VILL: variants seen among roughly 807,000 people sequenced by gnomAD.
VILL encodes villin-like protein.
A neutral mutation model predicts 106.3 loss-of-function variants in VILL; 102 were observed. The ratio of observed to expected loss-of-function variants is 0.96; its 90% CI spans 0.82 to 1.13. VILL has a LOEUF of 1.13. VILL is among the 50% of genes most tolerant of loss of function. The probability of loss-of-function intolerance (pLI) is 0.00; values close to 1 mark genes in which losing one functional copy is unlikely to be tolerated. For missense variants in VILL, 1,076 were observed against 1,116.6 expected (o/e 0.96, Z 0.52); for synonymous variants, 431 against 440.3 (o/e 0.98, Z 0.27).
At chr3:37,995,878 T>C in intron 5 of VILL, 31 bp downstream of exon 5, 1 of 1,589,850 alleles carries the variant, frequency 6.3e-7, no homozygotes, top group Admixed American at 1.7e-5. Flanking sequence ...TCTTGACCTC[T>C]GAACTCGGCT....
At position 37,995,861 on chromosome 3, in the gene VILL, G is replaced by A; in HGVS notation, c.450+14G>A. 1.2e-6 allele frequency: 2 copies of A among 1,610,856 alleles called. No individual in the cohort carries two copies. The highest frequency in any genetic ancestry group is 1.1e-5 in the South Asian group (1 of 90,942). ...TCTGCCACTGAGGTGAGGCTGCCAG[G>A]GGAGCCTCTTGACCTCTGAACTCGG... On this transcript the variant is annotated intron_variant, in intron 5 of 19. Transcript: ENST00000383759.
intron 11 of VILL, chr3:38,001,203 G>A (rs1575337981): frequency 1.7e-6 from 1 of 587,712 alleles, no homozygotes; most frequent in Non-Finnish European, 3.0e-6. Flanking sequence ...CTAGGGCTGG[G>A]CATGTGGCTG....
chr3:37,990,017 G>C (rs1048575843), upstream of VILL, among the ~76,000 whole-genome samples: 1 of 152,214 alleles, frequency 6.6e-6, no homozygotes, highest in Admixed American at 6.5e-5. This position sits in a 1 kb window ranked among gnomAD's most constrained non-coding sequence, Gnocchi z 5.1. Context: ...GCAGGCTTTA[G>C]CAGCGTGGCT....
At position 38,006,261 on chromosome 3, in the gene VILL, TG is replaced by T; in HGVS notation, c.2205+13del. 1 of 1,614,122 alleles carries T rather than the reference TG, an allele frequency of 6.2e-7. No homozygotes were observed. Among genetic ancestry groups the T allele is most frequent in the Non-Finnish European group, 8.5e-7 (1 of 1,180,024 alleles). ...TCTCTGAGATAACAGCAGTGAGTCC[TG>T]GGGCCCCTAGCCTTCCCCACAGTGG... is the stretch of plus-strand genomic sequence containing the variant. On this transcript the variant is annotated intron_variant, in intron 18 of 19. Transcript: ENST00000383759.
Position 38,001,751 on chromosome 3 carries a change from A to T in VILL, c.1370A>T (p.Glu457Val). The T allele has an allele frequency of 6.2e-7, 1 of 1,614,238 alleles. No homozygotes were observed. The highest frequency in any genetic ancestry group is 8.5e-7 in the Non-Finnish European group (1 of 1,180,036). Residue 457 changes from glutamate (E) to valine (V), a missense_variant, in exon 13 of 20, where the codon GAG becomes GTG. By Grantham distance (121) the Glu-to-Val change is moderately radical (BLOSUM62 -2). Coordinates refer to ENST00000383759, the MANE Select transcript of VILL (RefSeq NM_015873.4). ...ATTGAGGCCCTGAACAGCAACGCTG[A>T]GGAACTAGATGTCATGTATGGTGGC... ...DEIEALNSNA[E>V]ELDVMYGGVL...
At chr3:38,001,233 A>C in intron 11 of VILL, 1 of 649,628 alleles carries the variant, frequency 1.5e-6, no homozygotes, top group Non-Finnish European at 2.6e-6. Flanking sequence ...CCATCTCCCA[A>C]GTGTGGTGGG....
chr3:38,004,127 G>A, intron 15 of VILL, 128 bp from the exon 16 acceptor site: 2 of 1,305,962 alleles, frequency 1.5e-6, no homozygotes, highest in Non-Finnish European at 2.1e-6. Flanking sequence ...GAAACCACGG[G>A]GCTCAGAGGA....
chr3:38,002,610 G>A (rs1024121719), intron 14 of VILL, 35 bp downstream of exon 14: 2 of 1,594,674 alleles, frequency 1.3e-6, no homozygotes, highest in Non-Finnish European at 1.7e-6. Flanking sequence ...TTCATGCCCA[G>A]ATGTAGTGGT....
chr3:37,999,254 G>C (rs559921239), intron 10 of VILL, 85 bp from the exon 11 acceptor site: 1 of 1,254,322 alleles, frequency 8.0e-7, no homozygotes, highest in Middle Eastern at 2.6e-4. Context: ...TGGAATCTTG[G>C]AGGGATGGTT....
Position 38,005,826 on chromosome 3 carries a change from G to A in VILL, c.1985G>A (p.Trp662Ter). Residue 662 changes from tryptophan (W) to a stop codon, truncating the protein, a stop_gained, in exon 17 of 20, where the codon TGG becomes TAG. Coordinates refer to ENST00000383759, the MANE Select transcript of VILL (RefSeq NM_015873.4). LOFTEE classifies it high-confidence loss of function. ...TGGCTTGGGGAAGCTGCAAGTGAGT[G>A]GAAGGAGGCGGTGGCCTGGGGCCAG... ...FLWLGEAASE[W>*]KEAVAWGQEY... The A allele has an allele frequency of 1.2e-6, 2 of 1,613,400 alleles. No homozygotes were observed. The highest frequency in any genetic ancestry group is 1.1e-5 in the South Asian group (1 of 91,008).
At chr3:37,993,782 G>GT in intron 2 of VILL, 50 bp downstream of exon 2, 3 of 1,606,854 alleles carry the variant, frequency 1.9e-6, no homozygotes, top group Non-Finnish European at 2.6e-6. Flanking sequence ...AGAGCGTGGG[G>GT]TTTTCCACAC....
Position 38,007,039 on chromosome 3 carries a change from A to C in VILL, c.2555A>C (p.Gln852Pro). The change falls in exon 20 of 20, where the codon CAG (glutamine) becomes CCG (proline). Residue 852 changes from glutamine (Q) to proline (P), a missense_variant. Transcript: ENST00000383759. ...ATWRQRQEKK[Q>P]LGFF Reference sequence around the variant, plus strand: ...TGGAGGCAGCGGCAGGAGAAAAAGCAGCTGGGCTTCTTCTGAACCCAAGCC... The same window carrying C: ...TGGAGGCAGCGGCAGGAGAAAAAGCCGCTGGGCTTCTTCTGAACCCAAGCC... 6 of 1,614,098 alleles carry C rather than the reference A, an allele frequency of 3.7e-6. No homozygotes were observed. The highest frequency in any genetic ancestry group is 5.1e-6 in the Non-Finnish European group (6 of 1,179,974).
At chr3:38,006,002 T>G (rs200909450) in intron 17 of VILL, 28 bp downstream of exon 17, 1 of 1,597,540 alleles carries the variant, frequency 6.3e-7, no homozygotes, top group East Asian at 2.2e-5. Context: ...CCCCCAGCCC[T>G]ACCCTAATTT....
At position 38,003,216 on chromosome 3, in the gene VILL, A is replaced by G. The variant is rs1272167299; in HGVS notation, c.1708A>G (p.Ile570Val). The stretch of plus-strand genomic sequence containing the variant: ...GATGGCACGGGTGGTGGTCACTGTC[A>G]TTTCCAGGAAGAATGAGGAAACGGT... ...REMARVVVTV[I>V]SRKNEETVLE... The change falls in exon 15 of 20, where the codon ATT (isoleucine) becomes GTT (valine). Residue 570 changes from isoleucine to valine, a missense_variant. Coordinates refer to ENST00000383759, the MANE Select transcript of VILL (RefSeq NM_015873.4). 4 of 1,613,960 alleles carry G rather than the reference A, an allele frequency of 2.5e-6. No individual in the cohort carries two copies. The highest frequency in any genetic ancestry group is 2.2e-5 in the South Asian group (2 of 91,072).
upstream of VILL, among the ~76,000 whole-genome samples, chr3:37,989,532 C>T (rs914642421): frequency 2.0e-5 from 3 of 152,204 alleles, no homozygotes; most frequent in South Asian, 2.1e-4. Context: ...TGGTTGACAG[C>T]GGGCATTGGT....
At chr3:38,004,532 A>G (rs9843506) in intron 16 of VILL, 133 bp downstream of exon 16, 1 of 1,191,726 alleles carries the variant, frequency 8.4e-7, no homozygotes, top group Admixed American at 2.4e-5. Flanking sequence ...GTCACTGAGC[A>G]ATTGCATTGC....
At position 38,003,550 on chromosome 3, in the gene VILL, G is replaced by A. The variant is rs949166347; in HGVS notation, c.1805+237G>A. ...GGGGCAGTGGCGACCTCTGCTGGCA[G>A]CATCCCCTCCCTGCATTGTCCTGGT... On this transcript the variant is annotated intron_variant, in intron 15 of 19. Coordinates refer to ENST00000383759, the MANE Select transcript of VILL (RefSeq NM_015873.4). 7.5e-6 allele frequency: 4 copies of A among 531,340 alleles called. No homozygotes were observed. The African/African-American group carries it at 7.7e-5, about 10-fold the overall frequency. 32.9% of individuals were successfully genotyped at this position (531,340 alleles called of 1,614,324 possible).
At chr3:37,991,841 G>T (rs2125642226) in intron 1 of VILL, among the ~76,000 whole-genome samples, 1 of 152,046 alleles carries the variant, frequency 6.6e-6, no homozygotes, top group Middle Eastern at 3.4e-3. Flanking sequence ...GGGCTTGGGA[G>T]GCTGGAGGTG....
intron 12 of VILL, 52 bp downstream of exon 12, chr3:38,001,645 T>C (rs755186926): frequency 5.0e-6 from 8 of 1,613,408 alleles, no homozygotes; most frequent in Non-Finnish European, 6.8e-6. Flanking sequence ...AGGGCTGGGC[T>C]CTGGGAGTGA....
Sources: gnomAD v4.1 joint callset for allele counts (sites outside exome capture counted in the v4.1 genomes callset) on GRCh38, gnomAD v4.1.1 for gene constraint, Gnocchi (gnomAD v3.1) non-coding constraint, MANE v1.5 for transcripts, NCBI Gene and HGNC (gene_info 2026-07-23, HGNC 2026-07-21) for gene names.